Variants in TRPC3 observed in about 807,000 individuals in gnomAD.
TRPC3 encodes the protein short transient receptor potential channel 3.
TRPC3 carries 54 observed loss-of-function variants against 90.9 expected under a neutral mutation model. That is an observed-to-expected ratio of 0.59 (90% CI 0.48 to 0.75). TRPC3 has a LOEUF of 0.75. TRPC3 is among the 30% of genes least tolerant of loss of function. The pLI is 0.00. For missense variants in TRPC3, 918 were observed against 1,194.5 expected, an observed-to-expected ratio of 0.77 and a Z score of 3.41; for synonymous variants, 424 against 450.9, an observed-to-expected ratio of 0.94 and a Z score of 0.75.
At chr4:121,880,172 A>G (rs1424707913) in intron 11 of TRPC3, among the ~76,000 whole-genome samples, 4 of 152,180 alleles carry the variant, frequency 2.6e-5, no homozygotes, top group East Asian at 1.9e-4. Flanking sequence ...TAACTGATCT[A>G]TAGCCAAGAT....
At position 121,914,817 on chromosome 4, in the gene TRPC3, A is replaced by G; in HGVS notation, c.1304T>C (p.Phe435Ser). 1.2e-6 allele frequency: 2 copies of G among 1,613,108 alleles called. No homozygotes were observed. The highest frequency in any genetic ancestry group is 2.2e-5 in the South Asian group (2 of 90,934). The change falls in exon 4 of 12, where the codon TTC becomes TCC. Residue 435 changes from phenylalanine (F) to serine (S), a missense_variant. Phe to Ser is a radical substitution (Grantham distance 155). Transcript: ENST00000379645. ...VVLVVALGLP[F>S]LAIGYWIAPC... ...TGCGATCCAGTAGCCAATGGCCAGG[A>G]ATGGAAGGCCCAGGGCCACGACCAG...
intron 1 of TRPC3, among the ~76,000 whole-genome samples, chr4:121,939,945 A>G (rs1730248147): frequency 6.6e-6 from 1 of 152,258 alleles, no homozygotes; most frequent in African/African-American, 2.4e-5. Context: ...GTGACAGAGA[A>G]GAGCAGGGGA....
At position 121,932,137 on chromosome 4, in the gene TRPC3, C is replaced by T. The variant is rs987131248; in HGVS notation, c.987+134G>A. The T allele has an allele frequency of 4.4e-6, 6 of 1,363,856 alleles. No homozygotes were observed. Among genetic ancestry groups the T allele is most frequent in the African/African-American group, 2.9e-5 (2 of 68,484 alleles). The allele number at this position is 1,363,856 out of a possible 1,614,324, so 84.5% of individuals were successfully genotyped here. On this transcript the variant is annotated intron_variant, in intron 2 of 11. Transcript: ENST00000379645. The surrounding 1 kb of genome is among the most constrained non-coding windows in gnomAD (Gnocchi z 7.7). ...AAAACATTAGATGAGGTCTGAATGA[C>T]GTTCTCAGTCCCTCGTGATTTCACA...
chr4:121,931,822 C>T (rs781290686), intron 2 of TRPC3, among the ~76,000 whole-genome samples: 8 of 152,184 alleles, frequency 5.3e-5, no homozygotes, highest in Non-Finnish European at 1.2e-4. Context: ...TCTGTCCAGT[C>T]CACCACACAC....
chr4:121,893,217 CGTGT>C lies in TRPC3; in HGVS notation c.2547+6391_2547+6394del, dbSNP rs982098956. On this transcript the variant is annotated intron_variant, in intron 10 of 11. Coordinates refer to ENST00000379645, the MANE Select transcript of TRPC3 (RefSeq NM_001130698.2). Reference sequence around the variant, plus strand: ...ATGTGTATGTGTGTGTGCGTGTGTGCGTGTGTATGTACACACGTGCAAGAATGCA... The same window carrying C: ...ATGTGTATGTGTGTGTGCGTGTGTGCGTATGTACACACGTGCAAGAATGCA... Among the ~76,000 whole-genome samples, 7 of 150,720 alleles carry C rather than the reference CGTGT, an allele frequency of 4.6e-5. No homozygotes were observed. In the East Asian group the frequency reaches 9.7e-4, roughly 21 times the overall value.
At position 121,875,284 on chromosome 4, in the gene TRPC3, T is replaced by C. The variant is rs1727732774; in HGVS notation, c.*4452A>G. Among the ~76,000 whole-genome samples the C allele has an allele frequency of 6.6e-6, 1 of 152,208 alleles. No homozygotes were observed. Among genetic ancestry groups the C allele is most frequent in the African/African-American group, 2.4e-5 (1 of 41,452 alleles). On this transcript the variant is annotated 3_prime_UTR_variant, in exon 12 of 12. Coordinates refer to ENST00000379645, the MANE Select transcript of TRPC3 (RefSeq NM_001130698.2). Reference sequence around the variant, plus strand: ...AAAACAGTGAAATGAGGCTATGATATAGCATCAAAACAATACAAAAAGTTT... The same window carrying C: ...AAAACAGTGAAATGAGGCTATGATACAGCATCAAAACAATACAAAAAGTTT...
Position 121,877,703 on chromosome 4 carries a change from A to G in TRPC3, c.*2033T>C, listed in dbSNP as rs1291691230. On this transcript the variant is annotated 3_prime_UTR_variant, in exon 12 of 12. Transcript: ENST00000379645. ...GAATAAGGAAAAAGATGAAATATTA[A>G]AACTATACCAGTTTGTACATAGTAA... Among the ~76,000 whole-genome samples, 2 of 151,756 alleles carry G rather than the reference A, an allele frequency of 1.3e-5. No homozygotes were observed. Among genetic ancestry groups the G allele is most frequent in the African/African-American group, 2.4e-5 (1 of 41,268 alleles).
At chr4:121,884,774 G>A (rs541134835) in intron 10 of TRPC3, among the ~76,000 whole-genome samples, 1 of 152,276 alleles carries the variant, frequency 6.6e-6, no homozygotes, top group Admixed American at 6.5e-5. Context: ...CTCACAGCTG[G>A]ATGGATCTTA....
chr4:121,932,524 T>C lies in TRPC3; in HGVS notation c.734A>G (p.Lys245Arg), dbSNP rs1215815028. ...TPIILAAHCQ[K>R]YEVVHMLLMK... ...CAGCAGCATGTGCACCACTTCGTAT[T>C]TCTGGCAGTGCGCCGCCAGGATGAT... The change falls in exon 2 of 12, where the codon AAA (lysine) becomes AGA (arginine). Residue 245 changes from lysine (K) to arginine (R), a missense_variant. Lys to Arg is a conservative substitution (Grantham distance 26, BLOSUM62 2). Around this residue, in one of 4 missense-constraint regions of TRPC3, gnomAD observed 609 missense variants for 725.9 expected, o/e 0.84. Coordinates refer to ENST00000379645, the MANE Select transcript of TRPC3 (RefSeq NM_001130698.2). This position sits in a 1 kb window ranked among gnomAD's most constrained non-coding sequence, Gnocchi z 7.7. 5.0e-6 allele frequency: 8 copies of C among 1,614,062 alleles called. No homozygotes were observed. The highest frequency in any genetic ancestry group is 6.8e-6 in the Non-Finnish European group (8 of 1,180,034).
chr4:121,924,726 A>G (rs1266662919), intron 3 of TRPC3, among the ~76,000 whole-genome samples: 1 of 152,046 alleles, frequency 6.6e-6, no homozygotes, highest in Non-Finnish European at 1.5e-5. Flanking sequence ...TTTTTAGTAG[A>G]GACAGGGTCT....
intron 1 of TRPC3, among the ~76,000 whole-genome samples, chr4:121,944,704 C>T (rs1318453690): frequency 6.6e-6 from 1 of 152,150 alleles, no homozygotes; most frequent in Non-Finnish European, 1.5e-5. Context: ...CCTCTTTCCC[C>T]TTACTCTTAG....
rs1730748320 is a variant in TRPC3, at chr4:121,951,456, C to A, written c.215+10G>T. ...CCGAGGCGCGGGCCGCGGCCGGGCC[C>A]GGTACTCACAGGTCCGGCCCGTGGG... On this transcript the variant is annotated intron_variant, in intron 1 of 11. Transcript: ENST00000379645. This position sits in a 1 kb window ranked among gnomAD's most constrained non-coding sequence, Gnocchi z 4.4. 1.6e-6 allele frequency: 2 copies of A among 1,225,586 alleles called. No individual in the cohort carries two copies. Among genetic ancestry groups the A allele is most frequent in the South Asian group, 3.5e-5 (1 of 28,926 alleles). The allele number at this position is 1,225,586 out of a possible 1,614,324, so 75.9% of individuals were successfully genotyped here. A position where few individuals can be genotyped will look rare whatever the true frequency, so the allele number is the denominator to read the frequency against.
chr4:121,946,855 A>C (rs1387895470), intron 1 of TRPC3, among the ~76,000 whole-genome samples: 2 of 152,148 alleles, frequency 1.3e-5, no homozygotes, highest in Non-Finnish European at 2.9e-5. Flanking sequence ...GCTATATACA[A>C]CTGATAATAT....
chr4:121,901,038 T>C (rs557650666), intron 9 of TRPC3, among the ~76,000 whole-genome samples: 69 of 152,344 alleles, frequency 4.5e-4, no homozygotes, highest in African/African-American at 1.5e-3. Flanking sequence ...CTACTGCGTG[T>C]GCTCTTCTCA....
Position 121,951,743 on chromosome 4 carries a change from T to G in TRPC3, c.-63A>C, listed in dbSNP as rs1730774084. 8.0e-7 allele frequency: 1 copy of G among 1,245,694 alleles called. No homozygotes were observed. Among genetic ancestry groups the G allele is most frequent in the African/African-American group, 1.6e-5 (1 of 63,754 alleles). 77.2% of individuals were successfully genotyped at this position (1,245,694 alleles called of 1,614,324 possible). A position where few individuals can be genotyped will look rare whatever the true frequency, so the allele number is the denominator to read the frequency against. On this transcript the variant is annotated 5_prime_UTR_variant, in exon 1 of 12. Coordinates refer to ENST00000379645, the MANE Select transcript of TRPC3 (RefSeq NM_001130698.2). This position sits in a 1 kb window ranked among gnomAD's most constrained non-coding sequence, Gnocchi z 4.4. ...CCGGCCTCCTCCGCCTTCGCGGCAG[T>G]GCAGTCTTCCCGCGGCGCCCCTTCA...
At chr4:121,949,899 A>T (rs1432254141) in intron 1 of TRPC3, among the ~76,000 whole-genome samples, 1 of 152,194 alleles carries the variant, frequency 6.6e-6, no homozygotes, top group Non-Finnish European at 1.5e-5. Flanking sequence ...GCTCCGCCCT[A>T]CTTTCTCAGA....
In TRPC3 at chr4:121,902,861, T is replaced by C. The variant is rs149828142; in HGVS notation, c.2454A>G (p.Ser818=). The C allele has an allele frequency of 6.2e-7, 1 of 1,606,114 alleles. No homozygotes were observed. Among genetic ancestry groups the C allele is most frequent in the African/African-American group, 1.3e-5 (1 of 74,678 alleles). The change falls in exon 9 of 12, where the codon TCA becomes TCG. Residue 818 remains serine (S), a synonymous_variant. Transcript: ENST00000379645. ...AGTTTTCGATACCTACCCTGGACTT[T>C]GAGTTACCCATTCCCATTTCTATAT... ...QKDIEMGMGN[S]KSRLNLFTQS...
rs115453524 is a variant in TRPC3, at chr4:121,876,118, C to T, written c.*3618G>A. Among the ~76,000 whole-genome samples, 445 of 151,698 alleles carry T rather than the reference C, an allele frequency of 2.9e-3. 2 individuals carry two copies. Among genetic ancestry groups the T allele is most frequent in the African/African-American group, 0.01 (427 of 41,342 alleles). On this transcript the variant is annotated 3_prime_UTR_variant, in exon 12 of 12. Transcript: ENST00000379645. ...TTTCACCATGTTGCCCTGCTGGTCT[C>T]GAACTCCTGAACTGAAGCCATCGAC...
rs1727845089 is a variant in TRPC3, at chr4:121,878,910, A to G, written c.*826T>C. ...ATATCTCATTTAGCATTAAAGCAGC[A>G]GAGGCAGAAATTAGATGGTTATAAC... On this transcript the variant is annotated 3_prime_UTR_variant, in exon 12 of 12. Coordinates refer to ENST00000379645, the MANE Select transcript of TRPC3 (RefSeq NM_001130698.2). The G allele has an allele frequency of 6.6e-6, 1 of 152,190 alleles. No individual in the cohort carries two copies. Among genetic ancestry groups the G allele is most frequent in the Non-Finnish European group, 1.5e-5 (1 of 68,026 alleles). 9.4% of individuals were successfully genotyped at this position (152,190 alleles called of 1,614,324 possible). A position where few individuals can be genotyped will look rare whatever the true frequency, so the allele number is the denominator to read the frequency against.
Sources: gnomAD v4.1 joint callset for allele counts (sites outside exome capture counted in the v4.1 genomes callset) on GRCh38, gnomAD v4.1.1 for gene constraint, gnomAD v4.1.1 regional missense constraint, Gnocchi (gnomAD v3.1) non-coding constraint, MANE v1.5 for transcripts, NCBI Gene and HGNC (gene_info 2026-07-23, HGNC 2026-07-21) for gene names.